The following NWD2 variants were observed in gnomAD, a reference collection of about 807,000 sequenced individuals.
NWD2 encodes NACHT and WD repeat domain-containing protein 2.
NWD2 carries 37 observed loss-of-function variants against 132.7 expected under a neutral mutation model. The observed-to-expected ratio is 0.28, with a 90% CI of 0.21 to 0.37. NWD2 has a LOEUF of 0.37. Among genes scored for constraint, NWD2 ranks in the 10% least tolerant of loss-of-function variants. The probability of loss-of-function intolerance (pLI) is 1.00; values close to 1 mark genes in which losing one functional copy is unlikely to be tolerated. For synonymous variants in NWD2, 705 were observed against 803.0 expected (o/e 0.88, Z 2.06); for missense variants, 1,592 against 2,122.4 (o/e 0.75, Z 4.91).
chr4:37,395,413 A>G (rs924443548), intron 3 of NWD2, among the ~76,000 whole-genome samples: 1 of 151,194 alleles, frequency 6.6e-6, no homozygotes, highest in Non-Finnish European at 1.5e-5. Context: ...GAAGCAATAC[A>G]TCTCAGACAG....
At chr4:37,368,143 G>A (rs4264838) in intron 3 of NWD2, among the ~76,000 whole-genome samples, 142,201 of 152,220 alleles carry the variant, frequency 0.93, 67,193 homozygotes, top group East Asian at 1. Context: ...TGTTGCCGCA[G>A]GCTTTAGTAA....
At chr4:37,292,531 AT>A (rs1390455006) in intron 1 of NWD2, among the ~76,000 whole-genome samples, 1 of 152,172 alleles carries the variant, frequency 6.6e-6, no homozygotes, top group Non-Finnish European at 1.5e-5. Context: ...TATCCCCACC[AT>A]AAGATATTGT....
intron 3 of NWD2, among the ~76,000 whole-genome samples, chr4:37,395,351 C>CGTTTTGT (rs1720765099): frequency 2.0e-5 from 3 of 150,586 alleles, no homozygotes; most frequent in Admixed American, 2.0e-4. Context: ...GTTTGTTTTC[C>CGTTTTGT]TTTTTGCATC....
At chr4:37,319,821 A>G (rs764896852) in intron 1 of NWD2, among the ~76,000 whole-genome samples, 19 of 152,054 alleles carry the variant, frequency 1.2e-4, no homozygotes, top group Non-Finnish European at 2.8e-4. Context: ...CTATTATGTT[A>G]CGTTGGTCTA....
At chr4:37,303,087 G>A (rs1279602362) in intron 1 of NWD2, among the ~76,000 whole-genome samples, 2 of 152,072 alleles carry the variant, frequency 1.3e-5, no homozygotes, top group Non-Finnish European at 2.9e-5. Context: ...ATAGTTTCAG[G>A]TCTTACATTT....
intron 1 of NWD2, among the ~76,000 whole-genome samples, chr4:37,297,634 A>G (rs924546675): frequency 6.6e-6 from 1 of 152,204 alleles, no homozygotes; most frequent in Non-Finnish European, 1.5e-5. Flanking sequence ...TTCAGCTGTC[A>G]TGTTCCTCTA....
At chr4:37,306,807 G>A (rs987142634) in intron 1 of NWD2, among the ~76,000 whole-genome samples, 3 of 152,114 alleles carry the variant, frequency 2.0e-5, no homozygotes, top group South Asian at 2.1e-4. Context: ...CGGATCACAC[G>A]GTCAGGAGAG....
chr4:37,342,918 G>T (rs917764896), intron 2 of NWD2, among the ~76,000 whole-genome samples: 3 of 152,138 alleles, frequency 2.0e-5, no homozygotes, highest in Non-Finnish European at 4.4e-5. Context: ...CTGAGGACCT[G>T]TTTGTTGCCT....
chr4:37,421,184 A>G lies in NWD2; in HGVS notation c.358-9388A>G, dbSNP rs547264055. ...TGAAAACTCGGCTCCTTTTGTATTC[A>G]TTTTCCCAATTAATTCTTTCTCTAG... is the stretch of plus-strand genomic sequence containing the variant. On this transcript the variant is annotated intron_variant, in intron 3 of 6. Transcript: ENST00000309447. 5.3e-5 allele frequency among the ~76,000 whole-genome samples: 8 copies of G among 152,216 alleles called. 1 individual carries two copies. The South Asian group carries it at 1.7e-3, about 32-fold the overall frequency.
chr4:37,405,285 G>A (rs1334849279), intron 3 of NWD2, among the ~76,000 whole-genome samples: 1 of 152,146 alleles, frequency 6.6e-6, no homozygotes, highest in Non-Finnish European at 1.5e-5. Flanking sequence ...CTTGTGGAGA[G>A]CGACTCTAAA....
At chr4:37,329,636 A>T (rs1719249575) in intron 2 of NWD2, among the ~76,000 whole-genome samples, 1 of 152,216 alleles carries the variant, frequency 6.6e-6, no homozygotes, top group African/African-American at 2.4e-5. Flanking sequence ...TTAGAACAGT[A>T]AAGAAGCCAA....
At chr4:37,414,771 T>G (rs573020317) in intron 3 of NWD2, among the ~76,000 whole-genome samples, 1 of 152,366 alleles carries the variant, frequency 6.6e-6, no homozygotes, top group East Asian at 1.9e-4. Context: ...GGTGGATTAT[T>G]GATTAATTCA....
Position 37,445,672 on chromosome 4 carries a change from C to A in NWD2, c.3684C>A (p.Ala1228=). ...GGAAGGTGGCTGAAAAGTTCAGAGC[C>A]AAGCACAACGAACGCTTTATATCTG... The part of the protein sequence containing the change: ...GLWKVAEKFR[A]KHNERFISAV... The change falls in exon 7 of 7, where the codon GCC becomes GCA. Residue 1228 remains alanine (A), a synonymous_variant. Transcript: ENST00000309447. This position sits in a 1 kb window ranked among gnomAD's most constrained non-coding sequence, Gnocchi z 4.7. The A allele has an allele frequency of 6.4e-7, 1 of 1,552,088 alleles. No homozygotes were observed. Among genetic ancestry groups the A allele is most frequent in the Non-Finnish European group, 8.7e-7 (1 of 1,147,096 alleles).
intron 3 of NWD2, among the ~76,000 whole-genome samples, chr4:37,394,836 A>G (rs1264902399): frequency 2.6e-4 from 6 of 22,672 alleles, no homozygotes; most frequent in Non-Finnish European, 4.3e-4. Context: ...TTTGAGGCAG[A>G]GCCTCCCTCC....
chr4:37,332,147 C>G (rs1179590111), intron 2 of NWD2, among the ~76,000 whole-genome samples: 1 of 152,174 alleles, frequency 6.6e-6, no homozygotes, highest in Non-Finnish European at 1.5e-5. Context: ...TGGTGCTGGG[C>G]TGGGCTTGGC....
At chr4:37,415,845 A>G (rs1231051647) in intron 3 of NWD2, among the ~76,000 whole-genome samples, 1 of 152,184 alleles carries the variant, frequency 6.6e-6, no homozygotes, top group Non-Finnish European at 1.5e-5. Context: ...AATGACGCTG[A>G]TATCACCATT....
At chr4:37,326,525 T>G (rs1018400442) in intron 2 of NWD2, among the ~76,000 whole-genome samples, 25 of 152,192 alleles carry the variant, frequency 1.6e-4, no homozygotes, top group African/African-American at 5.5e-4. Flanking sequence ...AAACATTATA[T>G]CAGCCTTTCA....
chr4:37,377,490 G>A (rs2109307371), intron 3 of NWD2, among the ~76,000 whole-genome samples: 1 of 152,258 alleles, frequency 6.6e-6, no homozygotes, highest in Non-Finnish European at 1.5e-5. Flanking sequence ...CCAGCACTTT[G>A]GGAGGCCAAG....
At chr4:37,433,607 T>C (rs1712235384) in intron 4 of NWD2, among the ~76,000 whole-genome samples, 1 of 152,098 alleles carries the variant, frequency 6.6e-6, no homozygotes, top group Non-Finnish European at 1.5e-5. Flanking sequence ...GTATCAAAAC[T>C]CAAAAGGGAA....
Sources: allele counts gnomAD v4.1 joint callset (sites outside exome capture counted in the v4.1 genomes callset), GRCh38; gene constraint gnomAD v4.1.1; non-coding constraint Gnocchi (gnomAD v3.1); transcripts MANE v1.5; gene names NCBI Gene and HGNC (gene_info 2026-07-23, HGNC 2026-07-21).